The following FHIP1A variants were observed in gnomAD, a reference collection of about 807,000 sequenced individuals.
FHIP1A encodes the protein FHF complex subunit HOOK interacting protein 1A.
A neutral mutation model predicts 88.6 loss-of-function variants in FHIP1A; 61 were observed. The ratio of observed to expected loss-of-function variants is 0.69; its 90% CI spans 0.56 to 0.85. The LOEUF is 0.85. Among genes scored for constraint, FHIP1A ranks in the 40% least tolerant of loss-of-function variants. FHIP1A has a pLI of 0.00. For missense variants in FHIP1A, 1,154 were observed against 1,273.5 expected (o/e 0.91, Z 1.43); for synonymous variants, 478 against 496.0 (o/e 0.96, Z 0.48).
chr4:151,641,455 C>T (rs59646808), intron 9 of FHIP1A, among the ~76,000 whole-genome samples: 80 of 152,364 alleles, frequency 5.3e-4, no homozygotes, highest in African/African-American at 1.6e-3. Context: ...CTGTGGCCTG[C>T]GGGCCGCATG....
intron 3 of FHIP1A, among the ~76,000 whole-genome samples, chr4:151,485,282 G>GTTTTTT (rs74327398): frequency 7.6e-5 from 9 of 118,742 alleles, no homozygotes; most frequent in African/African-American, 1.0e-4. Context: ...ATCTTTTCCA[G>GTTTTTT]TTTTTTTTTT....
chr4:151,487,517 T>C (rs1256274702), intron 3 of FHIP1A, among the ~76,000 whole-genome samples: 1 of 152,228 alleles, frequency 6.6e-6, no homozygotes, highest in Non-Finnish European at 1.5e-5. Flanking sequence ...TAGACCTGGA[T>C]GTCCCACAGT....
intron 1 of FHIP1A, among the ~76,000 whole-genome samples, chr4:151,445,849 A>AATATATATGTATATATATATATATATAT (rs1728578614): frequency 1.0e-5 from 1 of 97,998 alleles, no homozygotes; most frequent in Non-Finnish European, 2.3e-5. Context: ...CATCTCTTAA[A>AATATATATGTATATATATATATATATAT]ATATATATAT....
intron 3 of FHIP1A, among the ~76,000 whole-genome samples, chr4:151,539,806 A>C (rs535678342): frequency 6.6e-6 from 1 of 152,270 alleles, no homozygotes; most frequent in Admixed American, 6.5e-5. Flanking sequence ...TAACAAGTAT[A>C]CTGATGAAAT....
At chr4:151,512,011 C>T (rs534971813) in intron 3 of FHIP1A, among the ~76,000 whole-genome samples, 118 of 152,322 alleles carry the variant, frequency 7.7e-4, no homozygotes, top group African/African-American at 2.0e-3. Flanking sequence ...CCCTGACCCC[C>T]GAGCAGCCTA....
Position 151,620,863 on chromosome 4 carries a change from C to T in FHIP1A, c.979-8839C>T, listed in dbSNP as rs1191530537. On this transcript the variant is annotated intron_variant, in intron 7 of 13. Coordinates refer to ENST00000435205, the MANE Select transcript of FHIP1A (RefSeq NM_001109977.3). The stretch of plus-strand genomic sequence containing the variant: ...AAAAGATAGAAAGGGTCCCACCCTC[C>T]CTACACACCGAGAATAAAAAAAAAA... Among the ~76,000 whole-genome samples, 4 of 147,510 alleles carry T rather than the reference C, an allele frequency of 2.7e-5. No individual in the cohort carries two copies. In the East Asian group the frequency reaches 7.9e-4, roughly 29 times the overall value.
chr4:151,555,414 C>G (rs912559410), intron 3 of FHIP1A, among the ~76,000 whole-genome samples: 1 of 152,110 alleles, frequency 6.6e-6, no homozygotes, highest in African/African-American at 2.4e-5. Flanking sequence ...GTTTCTTTCT[C>G]CTTGACTATG....
rs1290001116 is a variant in FHIP1A at position 151,629,820 on chromosome 4, A to G, written c.1097A>G (p.Asn366Ser). The change falls in exon 8 of 14, where the codon AAT becomes AGT. Residue 366 changes from asparagine (N) to serine (S), a missense_variant. Transcript: ENST00000435205. ...LRFILLHQHE[N>S]VHILDTLTSR... ...TTTATCCTATTGCACCAGCACGAGA[A>G]TGTCCACATCCTAGACACTCTCACG... 2 of 1,551,294 alleles carry G rather than the reference A, an allele frequency of 1.3e-6. No homozygotes were observed. The highest frequency in any genetic ancestry group is 1.7e-6 in the Non-Finnish European group (2 of 1,146,802).
chr4:151,574,252 A>C (rs950714259), intron 4 of FHIP1A, among the ~76,000 whole-genome samples: 1 of 152,224 alleles, frequency 6.6e-6, no homozygotes, highest in Admixed American at 6.5e-5. Context: ...CTGGGTCTTC[A>C]ATGTGTCTGC....
Position 151,649,754 on chromosome 4 carries a change from CAA to C in FHIP1A, c.1714_1715del (p.Lys572GlufsTer9). 6.4e-7 allele frequency: 1 copy of C among 1,551,652 alleles called. No homozygotes were observed. The highest frequency in any genetic ancestry group is 8.7e-7 in the Non-Finnish European group (1 of 1,146,982). ...GACCTCAGCTGGCTCCCAGAAAGGA[CAA>C]GAGCCAGACAGAGCTGGAATGGGAT... is the stretch of plus-strand genomic sequence containing the variant. ...TGPQLAPRKDKSQTELEWDDS... is the reference protein window; with the variant it reads ...TGPQLAPRKDXSQTELEWDDS... On this transcript the variant is annotated frameshift_variant, in exon 11 of 14. Transcript: ENST00000435205. LOFTEE classifies it high-confidence loss of function.
chr4:151,411,672 AAATTT>A (rs1277598943), intron 1 of FHIP1A, among the ~76,000 whole-genome samples: 1 of 152,140 alleles, frequency 6.6e-6, no homozygotes, highest in Admixed American at 6.5e-5. Flanking sequence ...TTCATAAAGA[AAATTT>A]AATAAGGAAC....
In FHIP1A at chr4:151,586,775, G is replaced by T. The variant is rs1456880842; in HGVS notation, c.867G>T (p.Leu289=). Residue 289 remains leucine, a synonymous_variant, in exon 6 of 14, where the codon CTG becomes CTT. Coordinates refer to ENST00000435205, the MANE Select transcript of FHIP1A (RefSeq NM_001109977.3). ...CTCTTGTCCAGTTCATGAACTCCCTGGAGTTTTGCAATGCAGTCATACAGG... is the reference window on the plus strand; with the variant it reads ...CTCTTGTCCAGTTCATGAACTCCCTTGAGTTTTGCAATGCAGTCATACAGG... ...LPSLVQFMNS[L]EFCNAVIQVA... is the part of the protein sequence containing the mutation. 6.4e-7 allele frequency: 1 copy of T among 1,550,534 alleles called. No individual in the cohort carries two copies. Among genetic ancestry groups the T allele is most frequent in the Admixed American group, 2.0e-5 (1 of 50,988 alleles).
chr4:151,450,186 A>G (rs1427927125), intron 1 of FHIP1A, among the ~76,000 whole-genome samples: 1 of 152,184 alleles, frequency 6.6e-6, no homozygotes, highest in Admixed American at 6.6e-5. Context: ...ATGCTTATAC[A>G]TTGCAAAAAG....
chr4:151,660,109 C>G (rs1737397125), intron 13 of FHIP1A, among the ~76,000 whole-genome samples: 1 of 152,152 alleles, frequency 6.6e-6, no homozygotes, highest in African/African-American at 2.4e-5. Context: ...AGGTAGGGAC[C>G]ATAACTCGGG....
At chr4:151,436,214 GA>G (rs1487961398) in intron 1 of FHIP1A, among the ~76,000 whole-genome samples, 7 of 152,108 alleles carry the variant, frequency 4.6e-5, no homozygotes, top group Non-Finnish European at 2.9e-5. Flanking sequence ...GTTTTCATTA[GA>G]GTTTCTCAGC....
intron 7 of FHIP1A, among the ~76,000 whole-genome samples, chr4:151,594,652 C>T (rs940775810): frequency 4.0e-4 from 60 of 151,754 alleles, no homozygotes; most frequent in Non-Finnish European, 4.9e-4. Flanking sequence ...TCTCGGCTCA[C>T]TGCAAGCTCC....
intron 7 of FHIP1A, among the ~76,000 whole-genome samples, chr4:151,601,319 T>C (rs545884039): frequency 1.7e-4 from 26 of 151,650 alleles, no homozygotes; most frequent in African/African-American, 6.3e-4. Context: ...GTGGAAAAGG[T>C]GGAGAGTAGA....
At chr4:151,634,607 A>T (rs555605976) in intron 8 of FHIP1A, among the ~76,000 whole-genome samples, 56 of 151,976 alleles carry the variant, frequency 3.7e-4, no homozygotes, top group Non-Finnish European at 6.3e-4. Flanking sequence ...CCGTTGTATT[A>T]TGGTCAAATG....
intron 7 of FHIP1A, among the ~76,000 whole-genome samples, chr4:151,610,016 G>T (rs2126845003): frequency 6.6e-6 from 1 of 152,360 alleles, no homozygotes; most frequent in East Asian, 1.9e-4. Context: ...GGTATCTAGT[G>T]AGTAAGTTTT....
Sources: allele counts gnomAD v4.1 joint callset (sites outside exome capture counted in the v4.1 genomes callset), GRCh38; gene constraint gnomAD v4.1.1; transcripts MANE v1.5; gene names NCBI Gene and HGNC (gene_info 2026-07-23, HGNC 2026-07-21).